CFAP61: variants seen among roughly 807,000 people sequenced by gnomAD.
CFAP61 encodes cilia and flagella associated protein 61.
CFAP61 carries 107 observed loss-of-function variants against 135.6 expected under a neutral mutation model. The ratio of observed to expected loss-of-function variants is 0.79; its 90% CI spans 0.67 to 0.93. The LOEUF (loss-of-function observed/expected upper bound fraction) is 0.93, where lower values mean the gene tolerates loss of function less well. Among genes scored for constraint, CFAP61 ranks in the 40% least tolerant of loss-of-function variants. CFAP61 has a pLI of 0.00. For missense variants in CFAP61, 1,507 were observed against 1,556.2 expected, an observed-to-expected ratio of 0.97 and a Z score of 0.53; for synonymous variants, 575 against 578.5, an observed-to-expected ratio of 0.99 and a Z score of 0.09.
intron 25 of CFAP61, among the ~76,000 whole-genome samples, chr20:20,335,222 G>T (rs947997392): frequency 6.6e-6 from 1 of 152,150 alleles, no homozygotes; most frequent in African/African-American, 2.4e-5. Context: ...AGTAGTTGGA[G>T]TCTAGAGTGA....
At chr20:20,355,520 G>A (rs866803357) in intron 26 of CFAP61, among the ~76,000 whole-genome samples, 2 of 129,360 alleles carry the variant, frequency 1.5e-5, no homozygotes, top group Admixed American at 7.6e-5. Context: ...AGGGGAGGTG[G>A]TCACACTGAG....
At chr20:20,289,724 C>T (rs917155432) in intron 23 of CFAP61, among the ~76,000 whole-genome samples, 4 of 152,208 alleles carry the variant, frequency 2.6e-5, no homozygotes, top group Non-Finnish European at 4.4e-5. Flanking sequence ...CTCTGCTTCT[C>T]ACTCTGGGTG....
At chr20:20,175,518 TG>T in intron 13 of CFAP61, among the ~76,000 whole-genome samples, 1 of 28,832 alleles carries the variant, frequency 3.5e-5, no homozygotes, top group Non-Finnish European at 9.0e-5. Flanking sequence ...TGTTTTGTTT[TG>T]TTTTGTTTTG....
intron 19 of CFAP61, among the ~76,000 whole-genome samples, chr20:20,251,330 TAAAC>T (rs1377425649): frequency 1.5e-5 from 2 of 135,608 alleles, no homozygotes; most frequent in Non-Finnish European, 3.4e-5. Flanking sequence ...CACATACAGA[TAAAC>T]ACACACACAC....
intron 8 of CFAP61, among the ~76,000 whole-genome samples, chr20:20,118,256 T>C (rs73605585): frequency 0.082 from 3,040 of 37,248 alleles, 63 homozygotes; most frequent in East Asian, 0.38. Flanking sequence ...GAGGTATGTT[T>C]CTTTCTTTCT....
chr20:20,185,422 G>T (rs1156244457), intron 13 of CFAP61, among the ~76,000 whole-genome samples: 4 of 152,184 alleles, frequency 2.6e-5, no homozygotes, highest in African/African-American at 9.7e-5. Context: ...GAGGTCTTGA[G>T]AAGTCGTTCC....
chr20:20,122,942 TA>T (rs1359733356), intron 8 of CFAP61, among the ~76,000 whole-genome samples: 4 of 151,828 alleles, frequency 2.6e-5, no homozygotes, highest in Admixed American at 1.3e-4. Context: ...TTTTTTAATA[TA>T]TTTTTTTATT....
At chr20:20,342,287 GT>G (rs1232383680) in intron 26 of CFAP61, among the ~76,000 whole-genome samples, 1 of 151,996 alleles carries the variant, frequency 6.6e-6, no homozygotes, top group East Asian at 1.9e-4. Context: ...CGGAACATAT[GT>G]GTGTGTGTGT....
At chr20:20,302,898 T>G (rs910685601) in intron 25 of CFAP61, among the ~76,000 whole-genome samples, 1 of 152,244 alleles carries the variant, frequency 6.6e-6, no homozygotes, top group African/African-American at 2.4e-5. Context: ...CCCTGAAACC[T>G]TTTATGTGTA....
chr20:20,144,599 C>G (rs1008806919), intron 9 of CFAP61, among the ~76,000 whole-genome samples: 1 of 112,320 alleles, frequency 8.9e-6, no homozygotes, highest in African/African-American at 3.7e-5. Context: ...GAGAGAGACG[C>G]TAGGACAGAA....
At chr20:20,101,619 T>A (rs1414990935) in intron 8 of CFAP61, among the ~76,000 whole-genome samples, 1 of 143,862 alleles carries the variant, frequency 7.0e-6, no homozygotes, top group Admixed American at 7.2e-5. Flanking sequence ...TTTTATTTTT[T>A]ATTTTTATTA....
chr20:20,108,583 T>C (rs940041230), intron 8 of CFAP61, among the ~76,000 whole-genome samples: 4 of 151,878 alleles, frequency 2.6e-5, no homozygotes, highest in Admixed American at 2.6e-4. Context: ...ATAAAACACA[T>C]GTTATGAAGA....
At chr20:20,280,764 G>A (rs1258726677) in intron 22 of CFAP61, among the ~76,000 whole-genome samples, 1 of 152,166 alleles carries the variant, frequency 6.6e-6, no homozygotes, top group Non-Finnish European at 1.5e-5. Flanking sequence ...CATATGGTAG[G>A]TGAATGTTGA....
chr20:20,107,672 G>A (rs1049093755), intron 8 of CFAP61: 2 of 152,004 alleles, frequency 1.3e-5, no homozygotes, highest in Non-Finnish European at 2.9e-5. Context: ...TGTTGCCCAG[G>A]CTGGGGTACA....
chr20:20,075,450 T>G (rs1310939864), intron 5 of CFAP61, 39 bp from the exon 6 acceptor site: 1 of 1,606,312 alleles, frequency 6.2e-7, no homozygotes, highest in Admixed American at 1.7e-5. Flanking sequence ...ATTTATTTCT[T>G]GATAAATAAG....
chr20:20,055,436 C>A (rs2044235218), intron 1 of CFAP61, among the ~76,000 whole-genome samples: 1 of 152,090 alleles, frequency 6.6e-6, no homozygotes, highest in African/African-American at 2.4e-5. Flanking sequence ...CCCTCACTTA[C>A]CGAGGGGCCC....
At chr20:20,080,013 A>G (rs977768917) in intron 6 of CFAP61, among the ~76,000 whole-genome samples, 2 of 152,168 alleles carry the variant, frequency 1.3e-5, no homozygotes, top group African/African-American at 4.8e-5. Flanking sequence ...CAAATTAATT[A>G]CTTAGGATCT....
intron 17 of CFAP61, among the ~76,000 whole-genome samples, chr20:20,211,256 C>T (rs1375843586): frequency 1.3e-5 from 2 of 152,192 alleles, no homozygotes; most frequent in African/African-American, 2.4e-5. Context: ...AAGGGCTGCC[C>T]CACGTGGCCT....
chr20:20,083,396 C>T (rs1191098946), intron 6 of CFAP61, among the ~76,000 whole-genome samples: 1 of 152,002 alleles, frequency 6.6e-6, no homozygotes, highest in Non-Finnish European at 1.5e-5. Flanking sequence ...GTACAGTGTA[C>T]ACTGCTCAGG....
Sources: allele counts gnomAD v4.1 joint callset (sites outside exome capture counted in the v4.1 genomes callset), GRCh38; gene constraint gnomAD v4.1.1; transcripts MANE v1.5; gene names NCBI Gene and HGNC (gene_info 2026-07-23, HGNC 2026-07-21).